The following RPL5 variants were observed in gnomAD, a reference collection of about 807,000 sequenced individuals.
The protein encoded by RPL5 is ribosomal protein L5, also known as large ribosomal subunit protein uL18.
RPL5 carries 1 observed loss-of-function variant against 38.4 expected under a neutral mutation model. The ratio of observed to expected loss-of-function variants is 0.03; its 90% CI spans 0.01 to 0.12. RPL5 has a LOEUF of 0.12. Ranked by LOEUF, RPL5 falls within the 10% of genes least tolerant of loss-of-function variation. The pLI is 1.00. For missense variants in RPL5, 243 were observed against 374.1 expected (o/e 0.65, Z 2.89); for synonymous variants, 109 against 121.2 (o/e 0.90, Z 0.66).
chr1:92,835,219 A>G, intron 4 of RPL5: 1 of 451,250 alleles, frequency 2.2e-6, no homozygotes, highest in Non-Finnish European at 4.1e-6. Flanking sequence ...TTAATTGGAC[A>G]ATGAAGACCC....
intron 6 of RPL5, among the ~76,000 whole-genome samples, chr1:92,838,341 A>G (rs1237450884): frequency 6.6e-6 from 1 of 152,192 alleles, no homozygotes; most frequent in Admixed American, 6.5e-5. Flanking sequence ...TTACTGCGTT[A>G]TATTTCTTTG....
At chr1:92,832,953 CGA>C (rs1372583053) in intron 1 of RPL5, 4 of 713,472 alleles carry the variant, frequency 5.6e-6, no homozygotes, top group Non-Finnish European at 1.0e-5. Context: ...TAGCGTGTTC[CGA>C]ACAAACCGAC....
Position 92,832,235 on chromosome 1 carries a change from G to T in RPL5, c.3+118G>T. 4 of 1,501,902 alleles carry T rather than the reference G, an allele frequency of 2.7e-6. No homozygotes were observed. The South Asian group carries it at 3.6e-5, about 13-fold the overall frequency. The allele number at this position is 1,501,902 out of a possible 1,614,324, so 93.0% of individuals were successfully genotyped here. ...GGGGCCGGATGGCGTTAGATTGCTAGCTCTGACTTGGTCGAGGTGCAGTTC... is the reference window on the plus strand; with the variant it reads ...GGGGCCGGATGGCGTTAGATTGCTATCTCTGACTTGGTCGAGGTGCAGTTC... On this transcript the variant is annotated intron_variant, in intron 1 of 7. Coordinates refer to ENST00000370321, the MANE Select transcript of RPL5 (RefSeq NM_000969.5).
At position 92,834,933 on chromosome 1, in the gene RPL5, A is replaced by G; in HGVS notation, c.324+20A>G. ...CGCAGGGTATGTACAAGATGATTTT[A>G]ATTGATGTAGTTTGTGGCTGATTGC... On this transcript the variant is annotated intron_variant, in intron 4 of 7. Transcript: ENST00000370321. The G allele has an allele frequency of 6.2e-7, 1 of 1,600,024 alleles. No individual in the cohort carries two copies. Among genetic ancestry groups the G allele is most frequent in the Non-Finnish European group, 8.5e-7 (1 of 1,179,952 alleles).
chr1:92,836,199 A>C lies in RPL5; in HGVS notation c.334A>C (p.Arg112=). The change falls in exon 5 of 8, where the codon AGG becomes CGG. Residue 112 remains arginine (R), a synonymous_variant. Coordinates refer to ENST00000370321, the MANE Select transcript of RPL5 (RefSeq NM_000969.5). ...TTGGTTTCTTGAATAGCTTCTCAAT[A>C]GGTTTGGCATGGACAAGATCTATGA... ...GLLLARRLLN[R]FGMDKIYEGQ... 6.2e-7 allele frequency: 1 copy of C among 1,612,312 alleles called. No homozygotes were observed. Among genetic ancestry groups the C allele is most frequent in the South Asian group, 1.1e-5 (1 of 91,008 alleles).
At chr1:92,833,987 A>C (rs941783101) in intron 3 of RPL5, 1 of 344,514 alleles carries the variant, frequency 2.9e-6, no homozygotes, top group Non-Finnish European at 5.5e-6. Flanking sequence ...GCGCACCTGT[A>C]GTCCCAGCTA....
Position 92,833,575 on chromosome 1 carries a change from G to C in RPL5, c.104G>C (p.Arg35Pro). ...EGKTDYYARK[R>P]LVIQDKNKYN... ...AAAACTGATTATTATGCTCGGAAACGCTTGGTGATACAAGATAAAAATAAA... is the reference window on the plus strand; with the variant it reads ...AAAACTGATTATTATGCTCGGAAACCCTTGGTGATACAAGATAAAAATAAA... Residue 35 changes from arginine to proline, a missense_variant, in exon 3 of 8, where the codon CGC (arginine) becomes CCC (proline). Arg to Pro is a moderately radical substitution (Grantham distance 103). Coordinates refer to ENST00000370321, the MANE Select transcript of RPL5 (RefSeq NM_000969.5). 3 of 1,613,498 alleles carry C rather than the reference G, an allele frequency of 1.9e-6. No homozygotes were observed. Among genetic ancestry groups the C allele is most frequent in the Non-Finnish European group, 2.5e-6 (3 of 1,179,988 alleles).
chr1:92,835,174 T>C, intron 4 of RPL5: 2 of 532,442 alleles, frequency 3.8e-6, no homozygotes. Flanking sequence ...GTATGTAAAC[T>C]TGAATTTGAA....
At chr1:92,833,731 G>C (rs1687007700) in intron 3 of RPL5, 71 bp downstream of exon 3, 1 of 1,247,612 alleles carries the variant, frequency 8.0e-7, no homozygotes, top group Non-Finnish European at 1.2e-6. Context: ...AAAGCACATG[G>C]TGTGTGTGTT....
At chr1:92,832,262 C>T (rs560662816) in intron 1 of RPL5, 145 bp downstream of exon 1, 19 of 1,348,588 alleles carry the variant, frequency 1.4e-5, no homozygotes, top group African/African-American at 8.7e-5. Flanking sequence ...GTGCAGTTCC[C>T]AGCGTGGCCT....
chr1:92,834,350 T>G (rs1430879348), intron 3 of RPL5, among the ~76,000 whole-genome samples: 1 of 152,236 alleles, frequency 6.6e-6, no homozygotes, highest in Non-Finnish European at 1.5e-5. Flanking sequence ...TTTGCTCTTG[T>G]ACTAAGAGCA....
chr1:92,839,409 A>G (rs190206540), intron 6 of RPL5, among the ~76,000 whole-genome samples: 2 of 152,300 alleles, frequency 1.3e-5, no homozygotes, highest in East Asian at 1.9e-4. Flanking sequence ...GCTTTTCAGG[A>G]AAACTTCTGA....
chr1:92,832,183 A>G (rs1686933539), intron 1 of RPL5, 66 bp downstream of exon 1: 7 of 1,606,292 alleles, frequency 4.4e-6, no homozygotes, highest in Non-Finnish European at 6.0e-6. Context: ...CCCGTATGCC[A>G]GCCTAGGGCC....
At chr1:92,834,508 C>T (rs767959756) in intron 3 of RPL5, among the ~76,000 whole-genome samples, 2 of 152,166 alleles carry the variant, frequency 1.3e-5, no homozygotes, top group Non-Finnish European at 2.9e-5. Flanking sequence ...TGTCTTCCTC[C>T]GTACCCAAGT....
At chr1:92,839,856 T>G (rs1323049654) in intron 6 of RPL5, among the ~76,000 whole-genome samples, 1 of 152,096 alleles carries the variant, frequency 6.6e-6, no homozygotes, top group Non-Finnish European at 1.5e-5. Context: ...ACTTTTTTTT[T>G]TTGAGGCAGG....
At chr1:92,837,945 G>A (rs1571032729) in intron 6 of RPL5, among the ~76,000 whole-genome samples, 1 of 152,218 alleles carries the variant, frequency 6.6e-6, no homozygotes, top group Non-Finnish European at 1.5e-5. Flanking sequence ...CCATCTGGGA[G>A]GAAAGCTCTT....
intron 6 of RPL5, 69 bp downstream of exon 6, chr1:92,837,702 G>A: frequency 2.3e-6 from 3 of 1,319,512 alleles, no homozygotes; most frequent in Non-Finnish European, 3.2e-6. Flanking sequence ...TTGTTTTGGG[G>A]GCAGGTAACA....
rs376208311 is a variant in RPL5, at chr1:92,832,069, C to T, written c.-46C>T. ...TTCCCACCCCCTAGCGCCGCTGGGC[C>T]TGCAGGTCTCTGTCGAGCAGCGGAC... On this transcript the variant is annotated 5_prime_UTR_variant, in exon 1 of 8. Transcript: ENST00000370321. 1.5e-5 allele frequency: 24 copies of T among 1,613,404 alleles called. No homozygotes were observed. Among genetic ancestry groups the T allele is most frequent in the South Asian group, 2.2e-5 (2 of 90,958 alleles).
intron 4 of RPL5, 53 bp downstream of exon 4, chr1:92,834,966 GTT>G: frequency 6.3e-7 from 1 of 1,598,452 alleles, no homozygotes. Flanking sequence ...TGCTTGGAGA[GTT>G]TTCTGCAAGA....
Sources: allele counts gnomAD v4.1 joint callset (sites outside exome capture counted in the v4.1 genomes callset), GRCh38; gene constraint gnomAD v4.1.1; transcripts MANE v1.5; gene names NCBI Gene and HGNC (gene_info 2026-07-23, HGNC 2026-07-21).